FLYWCH1: variants seen among roughly 807,000 people sequenced by gnomAD.
FLYWCH1 encodes FLYWCH-type zinc finger-containing protein 1.
Under a neutral mutation model 66.4 loss-of-function variants are expected in FLYWCH1, and 75 were observed. The observed-to-expected ratio is 1.13, with a 90% CI of 0.94 to 1.37. FLYWCH1 has a LOEUF of 1.37. Ranked by LOEUF, FLYWCH1 falls within the 40% of genes most tolerant of loss-of-function variation. The pLI, the probability that FLYWCH1 is intolerant of heterozygous loss-of-function variation, is 0.00. For missense variants in FLYWCH1, 1,334 were observed against 1,001.8 expected, an observed-to-expected ratio of 1.33 and a Z score of -4.48; for synonymous variants, 595 against 429.9, an observed-to-expected ratio of 1.38 and a Z score of -4.75.
chr16:2,933,660 G>A (rs534978187), intron 5 of FLYWCH1, 56 bp from the exon 6 acceptor site: 27 of 1,570,952 alleles, frequency 1.7e-5, no homozygotes, highest in African/African-American at 2.7e-5. Flanking sequence ...AAGGGGGTGC[G>A]ATCAGGCCTA....
intron 7 of FLYWCH1, 65 bp downstream of exon 7, chr16:2,937,449 C>A (rs2071061065): frequency 6.8e-7 from 1 of 1,461,574 alleles, no homozygotes; most frequent in Non-Finnish European, 9.0e-7. Context: ...CACACGCTGG[C>A]TGGAGGCTGC....
intron 4 of FLYWCH1, 50 bp from the exon 5 acceptor site, chr16:2,933,080 T>C: frequency 6.5e-7 from 1 of 1,529,804 alleles, no homozygotes; most frequent in Non-Finnish European, 8.9e-7. Flanking sequence ...CTGTCCCTCC[T>C]GGGCTCCTCT....
At chr16:2,936,904 G>A (rs2071027790) in intron 6 of FLYWCH1, 2 of 672,792 alleles carry the variant, frequency 3.0e-6, no homozygotes, top group African/African-American at 1.8e-5. Context: ...CCACCTGCAG[G>A]GGCCTCACCT....
chr16:2,914,131 A>G (rs1249241528), intron 1 of FLYWCH1, 45 bp from the exon 2 acceptor site: 1 of 152,224 alleles, frequency 6.6e-6, no homozygotes, highest in African/African-American at 2.4e-5. Context: ...TTCATGGAAT[A>G]ATTTCACCTG....
rs909662104 is a variant in FLYWCH1 at position 2,933,563 on chromosome 16, G to A, written c.1230G>A (p.Gln410=). 1 of 1,598,068 alleles carries A rather than the reference G, an allele frequency of 6.3e-7. No homozygotes were observed. ...AGCCCGAGGCCCCAGACGAGCACCA[G>A]GACATGGACGCAGACCCGGGTGAGC... The part of the protein sequence containing the change: ...PTQPEAPDEH[Q]DMDADPGGPE... The change falls in exon 5 of 10, where the codon CAG becomes CAA. Residue 410 remains glutamine (Q), a synonymous_variant. Coordinates refer to ENST00000253928, the MANE Select transcript of FLYWCH1 (RefSeq NM_001308068.2).
intron 7 of FLYWCH1, 96 bp downstream of exon 7, chr16:2,937,480 T>TG: frequency 7.4e-7 from 1 of 1,357,442 alleles, no homozygotes; most frequent in Non-Finnish European, 9.5e-7. Context: ...TTGTGTGTTG[T>TG]GCATGGTGGT....
chr16:2,937,504 C>A, intron 7 of FLYWCH1, 120 bp downstream of exon 7: 2 of 1,193,050 alleles, frequency 1.7e-6, no homozygotes, highest in Non-Finnish European at 1.1e-6. Flanking sequence ...ACAGCCGGGG[C>A]CATAAACTCC....
intron 1 of FLYWCH1, among the ~76,000 whole-genome samples, chr16:2,913,833 A>G (rs2070072566): frequency 6.6e-6 from 1 of 151,464 alleles, no homozygotes; most frequent in South Asian, 2.1e-4. Context: ...GGAGGTGGGT[A>G]GACACTGGAG....
Position 2,938,279 on chromosome 16 carries a change from G to A in FLYWCH1, c.1873G>A (p.Glu625Lys). The A allele has an allele frequency of 6.2e-7, 1 of 1,612,906 alleles. No individual in the cohort carries two copies. Among genetic ancestry groups the A allele is most frequent in the Non-Finnish European group, 8.5e-7 (1 of 1,179,498 alleles). Residue 625 changes from glutamate (E) to lysine (K), a missense_variant, in exon 8 of 10, where the codon GAG becomes AAG. Glu to Lys is a moderately conservative substitution (Grantham distance 56). Coordinates refer to ENST00000253928, the MANE Select transcript of FLYWCH1 (RefSeq NM_001308068.2). ...FLYRKEKAAG[E>K]KVYWMCRDQA... is the part of the protein sequence containing the mutation. Reference sequence around the variant, plus strand: ...CTACAGGAAGGAGAAGGCGGCTGGGGAGAAGGTGTACTGGATGTGCCGGGA... The same window carrying A: ...CTACAGGAAGGAGAAGGCGGCTGGGAAGAAGGTGTACTGGATGTGCCGGGA...
Position 2,930,866 on chromosome 16 carries a change from C to A in FLYWCH1, c.782C>A (p.Ser261Ter). Residue 261 changes from serine (S) to a stop codon, truncating the protein, a stop_gained, in exon 4 of 10, where the codon TCG becomes TAG. Coordinates refer to ENST00000253928, the MANE Select transcript of FLYWCH1 (RefSeq NM_001308068.2). LOFTEE classifies it high-confidence loss of function. ...SLLSLPPKKRSILGLGQARPL... is the reference protein window; with the variant it reads ...SLLSLPPKKR Reference sequence around the variant, plus strand: ...CTGAGCCTGCCGCCCAAGAAGCGCTCGATCCTGGGGCTGGGTGAGTACAAT... The same window carrying A: ...CTGAGCCTGCCGCCCAAGAAGCGCTAGATCCTGGGGCTGGGTGAGTACAAT... 4 of 1,595,426 alleles carry A rather than the reference C, an allele frequency of 2.5e-6. No individual in the cohort carries two copies. The highest frequency in any genetic ancestry group is 2.6e-6 in the Non-Finnish European group (3 of 1,175,444).
At position 2,937,228 on chromosome 16, in the gene FLYWCH1, C is replaced by A. The variant is rs535856688; in HGVS notation, c.1621C>A (p.Arg541=). 6 of 1,605,334 alleles carry A rather than the reference C, an allele frequency of 3.7e-6. No homozygotes were observed. The highest frequency in any genetic ancestry group is 5.1e-6 in the Non-Finnish European group (6 of 1,177,238). ...CGGGGAGAAGGTGTATTGGACCTGC[C>A]GGGACCAGGCCCGCATGGGCTGCCG... ...AAGEKVYWTC[R]DQARMGCRSR... is the part of the protein sequence containing the mutation. The change falls in exon 7 of 10, where the codon CGG becomes AGG. Residue 541 remains arginine, a synonymous_variant. Transcript: ENST00000253928.
intron 2 of FLYWCH1, among the ~76,000 whole-genome samples, chr16:2,927,883 G>GC (rs1433972526): frequency 6.6e-6 from 1 of 152,252 alleles, no homozygotes; most frequent in African/African-American, 2.4e-5. Flanking sequence ...ACCCGCACTG[G>GC]CGCTGGTCTC....
At position 2,950,809 on chromosome 16, in the gene FLYWCH1, T is replaced by G. The variant is rs2071644892; in HGVS notation, c.*2082T>G. 1 of 152,304 alleles carries G rather than the reference T, an allele frequency of 6.6e-6. No homozygotes were observed. Among genetic ancestry groups the G allele is most frequent in the Non-Finnish European group, 1.5e-5 (1 of 68,066 alleles). The allele number at this position is 152,304 out of a possible 1,614,324, so 9.4% of individuals were successfully genotyped here. A position where few individuals can be genotyped will look rare whatever the true frequency, so the allele number is the denominator to read the frequency against. ...GGCAGCTCGCGTTGCTGGGCTGAGA[T>G]TCTCCAATGGACGTGAATTTAGATG... On this transcript the variant is annotated 3_prime_UTR_variant, in exon 10 of 10. Transcript: ENST00000253928.
intron 9 of FLYWCH1, among the ~76,000 whole-genome samples, chr16:2,944,767 A>G (rs1365500614): frequency 6.6e-6 from 1 of 151,220 alleles, no homozygotes; most frequent in East Asian, 2.0e-4. Context: ...GGTTGCAGTG[A>G]GCTGAGATGG....
chr16:2,948,858 G>T lies in FLYWCH1; in HGVS notation c.*131G>T, dbSNP rs767703045. 3 of 779,728 alleles carry T rather than the reference G, an allele frequency of 3.8e-6. No individual in the cohort carries two copies. Among genetic ancestry groups the T allele is most frequent in the Admixed American group, 2.2e-5 (1 of 46,178 alleles). The allele number at this position is 779,728 out of a possible 1,614,324, so 48.3% of individuals were successfully genotyped here. A position where few individuals can be genotyped will look rare whatever the true frequency, so the allele number is the denominator to read the frequency against. On this transcript the variant is annotated 3_prime_UTR_variant, in exon 10 of 10. Transcript: ENST00000253928. ...TTCTTCCAAAGCATCGATGGTCTTC[G>T]CGTCTCCTCAGGAGGTCTCCCAGGA...
intron 6 of FLYWCH1, chr16:2,934,731 T>C (rs775050344): frequency 2.2e-6 from 1 of 453,420 alleles, no homozygotes; most frequent in South Asian, 1.6e-5. Context: ...TTTCTCTTTT[T>C]GTTCCATCTC....
In FLYWCH1 at chr16:2,937,212, G is replaced by A; in HGVS notation, c.1605G>A (p.Lys535=). 5 of 1,541,612 alleles carry A rather than the reference G, an allele frequency of 3.2e-6. No individual in the cohort carries two copies. The highest frequency in any genetic ancestry group is 4.4e-6 in the Non-Finnish European group (5 of 1,145,964). The change falls in exon 7 of 10, where the codon AAG becomes AAA. Residue 535 remains lysine (K), a synonymous_variant. Transcript: ENST00000253928. ...GGCGGGAGAAGGCGGCCGGGGAGAA[G>A]GTGTATTGGACCTGCCGGGACCAGG... ...LYRREKAAGE[K]VYWTCRDQAR...
chr16:2,921,548 T>A (rs550185901), intron 2 of FLYWCH1, among the ~76,000 whole-genome samples: 49 of 152,066 alleles, frequency 3.2e-4, no homozygotes, highest in South Asian at 2.3e-3. Flanking sequence ...TATTTTTTTT[T>A]AATTTAATTA....
rs745588834 is a variant in FLYWCH1 at position 2,938,199 on chromosome 16, T to TTTC, written c.1793_1794insTTC (p.Leu598_Glu599insSer). ...TCCCTTTCAGATCCTCTCCGGCCCCTGGAGTTCCTGAGGACTTCCCTGGGG... is the reference window on the plus strand; with the variant it reads ...TCCCTTTCAGATCCTCTCCGGCCCCTTTCGGAGTTCCTGAGGACTTCCCTGGGG... On this transcript the variant is annotated inframe_insertion, in exon 8 of 10. Coordinates refer to ENST00000253928, the MANE Select transcript of FLYWCH1 (RefSeq NM_001308068.2). The TTTC allele has an allele frequency of 4.3e-6, 7 of 1,612,638 alleles. No individual in the cohort carries two copies. The East Asian group carries it at 1.6e-4, about 36-fold the overall frequency.
Sources: allele counts gnomAD v4.1 joint callset (sites outside exome capture counted in the v4.1 genomes callset), GRCh38; gene constraint gnomAD v4.1.1; transcripts MANE v1.5; gene names NCBI Gene and HGNC (gene_info 2026-07-23, HGNC 2026-07-21).